The following CPNE8 variants were observed in gnomAD, a reference collection of about 807,000 sequenced individuals.
CPNE8 encodes copine-8.
Under a neutral mutation model 81.5 loss-of-function variants are expected in CPNE8, and 45 were observed. That is an observed-to-expected ratio of 0.55 (90% CI 0.44 to 0.71). The LOEUF (loss-of-function observed/expected upper bound fraction) is 0.71, where lower values mean the gene tolerates loss of function less well. Among genes scored for constraint, CPNE8 ranks in the 30% least tolerant of loss-of-function variants. CPNE8 has a pLI of 0.00. For missense variants in CPNE8, 594 were observed against 672.1 expected (o/e 0.88, Z 1.28); for synonymous variants, 252 against 226.3 (o/e 1.11, Z -1.02).
rs1942353333 is a variant in CPNE8 at position 38,792,637 on chromosome 12, A to C, written c.408-16336T>G. ...ATAAGTCCCAATGGTTCAACTACAGAATCTGATCAAACATTTAAAACAGAA... is the reference window on the plus strand; with the variant it reads ...ATAAGTCCCAATGGTTCAACTACAGCATCTGATCAAACATTTAAAACAGAA... On this transcript the variant is annotated intron_variant, in intron 6 of 19. Transcript: ENST00000331366. Among the ~76,000 whole-genome samples the C allele has an allele frequency of 2.0e-5, 3 of 151,842 alleles. No individual in the cohort carries two copies. The South Asian group carries it at 6.2e-4, about 31-fold the overall frequency.
intron 10 of CPNE8, among the ~76,000 whole-genome samples, chr12:38,733,143 G>T (rs962405566): frequency 6.6e-6 from 1 of 151,894 alleles, no homozygotes; most frequent in Admixed American, 6.6e-5. Context: ...ATTGTCTCAA[G>T]AATATATCTG....
chr12:38,792,988 T>C (rs1442587296), intron 6 of CPNE8, among the ~76,000 whole-genome samples: 4 of 151,854 alleles, frequency 2.6e-5, no homozygotes, highest in African/African-American at 7.2e-5. Context: ...AAAAACTACA[T>C]GATCATCTTA....
chr12:38,877,995 T>C (rs2137115735), intron 1 of CPNE8, among the ~76,000 whole-genome samples: 1 of 152,208 alleles, frequency 6.6e-6, no homozygotes, highest in East Asian at 1.9e-4. Context: ...AAAACCAAGA[T>C]GGTGATGAGA....
chr12:38,693,151 T>C (rs1939716444), intron 15 of CPNE8, among the ~76,000 whole-genome samples: 1 of 152,100 alleles, frequency 6.6e-6, no homozygotes, highest in African/African-American at 2.4e-5. Context: ...AGGAGACATA[T>C]CAGCCCCAGA....
At chr12:38,795,565 A>C (rs1318907479) in intron 6 of CPNE8, among the ~76,000 whole-genome samples, 1 of 152,216 alleles carries the variant, frequency 6.6e-6, no homozygotes, top group African/African-American at 2.4e-5. Flanking sequence ...GAAATCCCAT[A>C]ACATACTACA....
intron 3 of CPNE8, among the ~76,000 whole-genome samples, chr12:38,866,332 T>G (rs1301871252): frequency 6.6e-6 from 1 of 152,164 alleles, no homozygotes; most frequent in Non-Finnish European, 1.5e-5. Flanking sequence ...AGCAGAATAA[T>G]GCAATTCAAA....
chr12:38,790,176 G>T (rs1942289510), intron 6 of CPNE8, among the ~76,000 whole-genome samples: 1 of 151,632 alleles, frequency 6.6e-6, no homozygotes, highest in South Asian at 2.1e-4. Flanking sequence ...TTGCAGCACT[G>T]TTTACAACAG....
intron 13 of CPNE8, among the ~76,000 whole-genome samples, chr12:38,717,429 G>GTGTATGTATATATATA (rs770984926): frequency 1.1e-5 from 1 of 87,034 alleles, no homozygotes. Flanking sequence ...AAAGTGTGGT[G>GTGTATGTATATATATA]TATATATATA....
intron 6 of CPNE8, among the ~76,000 whole-genome samples, chr12:38,811,949 G>T (rs1592113117): frequency 6.6e-6 from 1 of 152,168 alleles, no homozygotes; most frequent in East Asian, 1.9e-4. Flanking sequence ...AAGAAATATG[G>T]TCCCTAGCCT....
intron 6 of CPNE8, among the ~76,000 whole-genome samples, chr12:38,786,942 A>G (rs1942204109): frequency 2.0e-5 from 3 of 152,196 alleles, no homozygotes; most frequent in Admixed American, 2.0e-4. Flanking sequence ...ACACTGAAGC[A>G]TCCAGATATA....
chr12:38,897,673 ATG>A (rs1340728004), intron 1 of CPNE8, among the ~76,000 whole-genome samples: 1 of 150,924 alleles, frequency 6.6e-6, no homozygotes, highest in African/African-American at 2.4e-5. Context: ...TATATATTAT[ATG>A]TGTGTATATA....
chr12:38,684,473 A>T (rs1453805839), intron 16 of CPNE8, among the ~76,000 whole-genome samples: 1 of 152,164 alleles, frequency 6.6e-6, no homozygotes, highest in Non-Finnish European at 1.5e-5. Flanking sequence ...TTTGTCCGAA[A>T]AATTCAAGCC....
intron 6 of CPNE8, among the ~76,000 whole-genome samples, chr12:38,786,915 AAATACATATGCGCCC>A (rs1366825423): frequency 6.6e-6 from 1 of 152,140 alleles, no homozygotes; most frequent in Non-Finnish European, 1.5e-5. Flanking sequence ...ACCCAATTTT[AAATACATATGCGCCC>A]AACACTGAAG....
chr12:38,781,667 A>G (rs1039823578), intron 6 of CPNE8, among the ~76,000 whole-genome samples: 2 of 152,096 alleles, frequency 1.3e-5, no homozygotes, highest in African/African-American at 4.8e-5. Context: ...AAAAAGATAA[A>G]TACACCATTA....
intron 10 of CPNE8, among the ~76,000 whole-genome samples, chr12:38,735,099 T>C (rs1940922733): frequency 6.6e-6 from 1 of 152,104 alleles, no homozygotes; most frequent in Non-Finnish European, 1.5e-5. Flanking sequence ...ACTGGTATGA[T>C]CTTTTCTCAT....
intron 19 of CPNE8, among the ~76,000 whole-genome samples, chr12:38,656,260 G>T (rs532442347): frequency 6.6e-6 from 1 of 150,400 alleles, no homozygotes; most frequent in Non-Finnish European, 1.5e-5. Context: ...AAGGTATAAT[G>T]CTTTAAATGT....
rs1240005396 is a variant in CPNE8 at position 38,767,796 on chromosome 12, C to T, written c.472-58G>A. On this transcript the variant is annotated intron_variant, in intron 7 of 19. Transcript: ENST00000331366. ...TTGGGCTATAAATAACTAGAAACTG[C>T]AGATCAGAAACAAGACTTGACAAGA... is the stretch of plus-strand genomic sequence containing the variant. 1.4e-5 allele frequency: 14 copies of T among 1,029,094 alleles called. No homozygotes were observed. In the South Asian group the frequency reaches 2.3e-4, roughly 17 times the overall value. 63.7% of individuals were successfully genotyped at this position (1,029,094 alleles called of 1,614,324 possible).
intron 3 of CPNE8, among the ~76,000 whole-genome samples, chr12:38,858,443 A>G (rs1275502393): frequency 6.6e-6 from 1 of 152,262 alleles, no homozygotes; most frequent in Non-Finnish European, 1.5e-5. Context: ...GCTACACCAT[A>G]GGCAATGTGC....
intron 6 of CPNE8, among the ~76,000 whole-genome samples, chr12:38,816,940 G>A (rs79284833): frequency 2.0e-5 from 3 of 152,172 alleles, no homozygotes; most frequent in African/African-American, 4.8e-5. Flanking sequence ...TCTCAGGGCA[G>A]CCTGATGCAC....
Sources: gnomAD v4.1 joint callset for allele counts (sites outside exome capture counted in the v4.1 genomes callset) on GRCh38, gnomAD v4.1.1 for gene constraint, MANE v1.5 for transcripts, NCBI Gene and HGNC (gene_info 2026-07-23, HGNC 2026-07-21) for gene names.